The following PDE1C variants were observed in gnomAD, a reference collection of about 807,000 sequenced individuals.
PDE1C encodes the protein phosphodiesterase 1C.
PDE1C carries 62 observed loss-of-function variants against 93.1 expected under a neutral mutation model. The ratio of observed to expected loss-of-function variants is 0.67; its 90% confidence interval spans 0.54 to 0.82. PDE1C has a LOEUF of 0.82. Ranked by LOEUF, PDE1C falls within the 40% of genes least tolerant of loss-of-function variation. The pLI is 0.00. For missense variants in PDE1C, 742 were observed against 884.6 expected (o/e 0.84, Z 2.04); for synonymous variants, 325 against 310.1 (o/e 1.05, Z -0.50).
At chr7:32,301,884 C>T (rs988487245), upstream of PDE1C, among the ~76,000 whole-genome samples, 9 of 152,108 alleles carry the variant, frequency 5.9e-5, no homozygotes, top group African/African-American at 1.2e-4. Context: ...GTTTTTGTGG[C>T]GTCTGCAAGC....
chr7:32,384,698 G>A lies in PDE1C; in HGVS notation c.310+43124C>T, dbSNP rs561381276. Among the ~76,000 whole-genome samples the A allele has an allele frequency of 2.0e-5, 3 of 152,184 alleles. 1 individual carries two copies. The South Asian group carries it at 6.2e-4, about 32-fold the overall frequency. On this transcript the variant is annotated intron_variant, in intron 1 of 1. Transcript: ENST00000672256. ...TTAAGGAGGGTAAATTTTCCCAAGG[G>A]CAGTAAAGAACCATAAAGATTTTTA...
chr7:31,662,627 C>T, the PDE1C span, among the ~76,000 whole-genome samples: 1 of 152,132 alleles, frequency 6.6e-6, no homozygotes, highest in Non-Finnish European at 1.5e-5. Flanking sequence ...GTGTTTGACT[C>T]TGTGCATGTA....
chr7:32,215,680 G>A (rs911135631), intron 1 of PDE1C, among the ~76,000 whole-genome samples: 5 of 152,226 alleles, frequency 3.3e-5, no homozygotes, highest in African/African-American at 9.6e-5. Flanking sequence ...AAGGACAAAG[G>A]AGAATAAAGG....
the PDE1C span, chr7:31,651,226 G>A: frequency 4.3e-6 from 7 of 1,613,412 alleles, no homozygotes; most frequent in South Asian, 2.2e-5. Flanking sequence ...GCACCTTATG[G>A]GACAGCAGGC....
chr7:31,651,280 A>G, the PDE1C span: 1 of 1,611,532 alleles, frequency 6.2e-7, no homozygotes, highest in Non-Finnish European at 8.5e-7. Flanking sequence ...GTAATTACCT[A>G]AGGGAGCCAT....
chr7:31,710,159 G>A, the PDE1C span, among the ~76,000 whole-genome samples: 4 of 152,098 alleles, frequency 2.6e-5, no homozygotes, highest in African/African-American at 9.7e-5. Flanking sequence ...AGGAAAAAAA[G>A]AAACTAAAGA....
At position 32,196,734 on chromosome 7, in the gene PDE1C, C is replaced by T. The variant is rs144299573; in HGVS notation, c.136+12755G>A. On this transcript the variant is annotated intron_variant, in intron 2 of 18. Coordinates refer to the PDE1C transcript ENST00000396193. ...GGAGAATTGATTTCACAGAGGAAGA[C>T]GGAGACTCAGTGGAATCCATTACAT... is the stretch of plus-strand genomic sequence containing the variant. Among the ~76,000 whole-genome samples, 184 of 152,116 alleles carry T rather than the reference C, an allele frequency of 1.2e-3. 1 individual carries two copies. Among genetic ancestry groups the T allele is most frequent in the Non-Finnish European group, 1.6e-3 (106 of 68,006 alleles).
At chr7:32,012,270 AAG>A (rs147176807) in intron 2 of PDE1C, among the ~76,000 whole-genome samples, 4,110 of 152,242 alleles carry the variant, frequency 0.027, 209 homozygotes, top group African/African-American at 0.095. Flanking sequence ...AAGGTGAAGG[AAG>A]AAGTCATTGT....
intron 2 of PDE1C, among the ~76,000 whole-genome samples, chr7:32,031,498 G>A (rs75089752): frequency 0.013 from 1,916 of 152,214 alleles, 54 homozygotes; most frequent in African/African-American, 0.044. Flanking sequence ...AGAATAGGGT[G>A]GAATCAGGGT....
chr7:32,170,276 T>C (rs1802559594), intron 2 of PDE1C, among the ~76,000 whole-genome samples: 1 of 152,056 alleles, frequency 6.6e-6, no homozygotes, highest in Admixed American at 6.6e-5. Flanking sequence ...TATAAAGCAC[T>C]ACCATTTTAG....
chr7:32,159,827 G>A (rs572466656), intron 3 of PDE1C, among the ~76,000 whole-genome samples: 59 of 152,278 alleles, frequency 3.9e-4, no homozygotes, highest in Middle Eastern at 3.4e-3. Context: ...GGCCAGTAGA[G>A]TTAGGTAAAG....
intron 17 of PDE1C, among the ~76,000 whole-genome samples, chr7:31,767,438 T>C (rs936863764): frequency 6.6e-6 from 1 of 152,166 alleles, no homozygotes; most frequent in African/African-American, 2.4e-5. Flanking sequence ...TCCTCCTGTT[T>C]CCTGCTGCTC....
intron 2 of PDE1C, among the ~76,000 whole-genome samples, chr7:32,039,252 A>G (rs929099303): frequency 1.5e-4 from 23 of 152,174 alleles, no homozygotes; most frequent in African/African-American, 5.6e-4. Context: ...GTACTATTAC[A>G]AACAACAGAG....
At chr7:31,824,156 C>G (rs183665405) in intron 13 of PDE1C, among the ~76,000 whole-genome samples, 1 of 152,078 alleles carries the variant, frequency 6.6e-6, no homozygotes, top group Non-Finnish European at 1.5e-5. Flanking sequence ...TATGACAAAG[C>G]CCACTGTTCT....
chr7:31,956,727 T>C (rs1362620339), intron 2 of PDE1C, among the ~76,000 whole-genome samples: 1 of 151,612 alleles, frequency 6.6e-6, no homozygotes, highest in Non-Finnish European at 1.5e-5. Flanking sequence ...AGCTCACTTG[T>C]TTTCCAAAAA....
intron 2 of PDE1C, among the ~76,000 whole-genome samples, chr7:31,898,152 T>C (rs771326472): frequency 1.3e-5 from 2 of 152,050 alleles, no homozygotes; most frequent in African/African-American, 4.8e-5. Flanking sequence ...CACAAATACC[T>C]ATCATTAGAA....
At chr7:31,955,217 G>A (rs958377788) in intron 2 of PDE1C, among the ~76,000 whole-genome samples, 18 of 152,088 alleles carry the variant, frequency 1.2e-4, no homozygotes, top group Admixed American at 2.6e-4. Context: ...CCCTGCCCCC[G>A]CTTGGATTAC....
chr7:31,924,167 T>C (rs1803031905), intron 2 of PDE1C, among the ~76,000 whole-genome samples: 1 of 151,944 alleles, frequency 6.6e-6, no homozygotes, highest in Admixed American at 6.6e-5. Context: ...TTTTTAAGAG[T>C]TTTTCCTAAG....
chr7:32,046,435 G>T (rs536040656), intron 2 of PDE1C, among the ~76,000 whole-genome samples: 7 of 152,158 alleles, frequency 4.6e-5, no homozygotes, highest in South Asian at 4.2e-4. Flanking sequence ...AGATCTGATT[G>T]TTCCCAATGA....
Sources: allele counts gnomAD v4.1 joint callset (sites outside exome capture counted in the v4.1 genomes callset), GRCh38; gene constraint gnomAD v4.1.1; transcripts MANE v1.5; gene names NCBI Gene and HGNC (gene_info 2026-07-23, HGNC 2026-07-21).